LRIF1: variants seen among roughly 807,000 people sequenced by gnomAD.
LRIF1 encodes the protein ligand dependent nuclear receptor interacting factor 1.
Under a neutral mutation model 52.7 loss-of-function variants are expected in LRIF1, and 32 were observed. That is an observed-to-expected ratio of 0.61 (90% CI 0.46 to 0.82). The LOEUF (loss-of-function observed/expected upper bound fraction) is 0.82, where lower values mean the gene tolerates loss of function less well. Ranked by LOEUF, LRIF1 falls within the 40% of genes least tolerant of loss-of-function variation. The pLI is 0.00. For missense variants in LRIF1, 887 were observed against 892.0 expected (o/e 0.99, Z 0.07); for synonymous variants, 323 against 317.4 (o/e 1.02, Z -0.19).
the LRIF1 span, among the ~76,000 whole-genome samples, chr1:110,923,479 A>C: frequency 6.6e-6 from 1 of 152,206 alleles, no homozygotes; most frequent in Non-Finnish European, 1.5e-5. Flanking sequence ...GTCATAAATC[A>C]AGTCTCAAAA....
At chr1:110,891,347 C>T in the LRIF1 span, 5 of 1,296,174 alleles carry the variant, frequency 3.9e-6, no homozygotes, top group Non-Finnish European at 5.6e-6. Context: ...TCTCTGGCTA[C>T]CTTACAGAGT....
chr1:110,916,428 A>G, the LRIF1 span, among the ~76,000 whole-genome samples: 2 of 152,176 alleles, frequency 1.3e-5, no homozygotes, highest in Non-Finnish European at 2.9e-5. Flanking sequence ...TGAACTAATC[A>G]GTAAATGCAG....
chr1:110,908,197 T>C, the LRIF1 span, among the ~76,000 whole-genome samples: 669 of 152,240 alleles, frequency 4.4e-3, 3 homozygotes, highest in Non-Finnish European at 7.8e-3. Context: ...AAGACAAATA[T>C]AGAAAGCTTT....
intron 1 of LRIF1, among the ~76,000 whole-genome samples, chr1:110,954,974 C>T (rs144034632): frequency 3.3e-5 from 5 of 152,330 alleles, no homozygotes; most frequent in South Asian, 2.1e-4. Context: ...CAATGCATAA[C>T]TTCAATTAAA....
the LRIF1 span, chr1:110,880,323 A>G: frequency 6.6e-6 from 1 of 152,208 alleles, no homozygotes. Context: ...AGTAGTGACA[A>G]TCTTCACCAG....
chr1:110,963,710 A>G lies in LRIF1; in HGVS notation c.-22T>C. 5.1e-6 allele frequency: 8 copies of G among 1,581,842 alleles called. No individual in the cohort carries two copies. The highest frequency in any genetic ancestry group is 6.9e-6 in the Non-Finnish European group (8 of 1,155,136). ...ACATTTTAGTGGGGAGAAAGGGGAC[A>G]CCTCATCCAGAAAAGTGGGAAGCGT... On this transcript the variant is annotated 5_prime_UTR_variant, in exon 1 of 4. Coordinates refer to ENST00000369763, the MANE Select transcript of LRIF1 (RefSeq NM_018372.4).
chr1:110,953,688 ATACCT>A (rs749161181), intron 1 of LRIF1, among the ~76,000 whole-genome samples: 1 of 152,172 alleles, frequency 6.6e-6, no homozygotes, highest in African/African-American at 2.4e-5. Context: ...TTGAATGTAA[ATACCT>A]TACCTTATTT....
At chr1:110,915,490 A>AAAAAAAAT in the LRIF1 span, among the ~76,000 whole-genome samples, 16 of 141,940 alleles carry the variant, frequency 1.1e-4, no homozygotes, top group African/African-American at 2.5e-4. Flanking sequence ...TCCGTCTCAA[A>AAAAAAAAT]AAATAAATAA....
chr1:110,927,263 T>C, the LRIF1 span, among the ~76,000 whole-genome samples: 1 of 152,166 alleles, frequency 6.6e-6, no homozygotes, highest in Non-Finnish European at 1.5e-5. Context: ...TGTGAGTCTG[T>C]ATGTGTGTGT....
the LRIF1 span, among the ~76,000 whole-genome samples, chr1:110,926,257 G>T: frequency 1.3e-5 from 2 of 151,926 alleles, no homozygotes. Flanking sequence ...TGAGGCTAGG[G>T]TAATCATGAC....
chr1:110,930,905 A>G, the LRIF1 span, among the ~76,000 whole-genome samples: 3,302 of 152,220 alleles, frequency 0.022, 54 homozygotes, highest in Non-Finnish European at 0.033. Flanking sequence ...GCTGGCCCCA[A>G]GTTTCTTTCT....
chr1:110,953,318 G>A (rs1658560581), intron 1 of LRIF1, among the ~76,000 whole-genome samples: 1 of 152,058 alleles, frequency 6.6e-6, no homozygotes, highest in African/African-American at 2.4e-5. Context: ...TATCTCTCAT[G>A]GTGTTACCTT....
At chr1:110,904,570 C>G in the LRIF1 span, among the ~76,000 whole-genome samples, 2 of 152,306 alleles carry the variant, frequency 1.3e-5, no homozygotes, top group East Asian at 3.9e-4. Context: ...CCATAAGAAC[C>G]ACAGTATTAC....
chr1:110,900,954 T>C, the LRIF1 span, among the ~76,000 whole-genome samples: 1 of 152,060 alleles, frequency 6.6e-6, no homozygotes, highest in Non-Finnish European at 1.5e-5. Flanking sequence ...AATAAGACCA[T>C]ATCTAATAGG....
At chr1:110,915,338 A>G in the LRIF1 span, among the ~76,000 whole-genome samples, 1 of 150,346 alleles carries the variant, frequency 6.7e-6, no homozygotes, top group Non-Finnish European at 1.5e-5. Context: ...AGAAAAAAAC[A>G]TTAGCCGGGC....
At chr1:110,955,843 A>G (rs1241598177) in intron 1 of LRIF1, among the ~76,000 whole-genome samples, 1 of 152,202 alleles carries the variant, frequency 6.6e-6, no homozygotes, top group East Asian at 1.9e-4. Context: ...TAAATACTCA[A>G]GTGAGCCAGT....
the LRIF1 span, among the ~76,000 whole-genome samples, chr1:110,906,320 G>A: frequency 1.3e-5 from 2 of 152,060 alleles, no homozygotes; most frequent in Admixed American, 6.6e-5. Flanking sequence ...TTGAAGCAGA[G>A]GATTGCTTGA....
chr1:110,950,186 C>T, intron 2 of LRIF1, 63 bp from the exon 3 acceptor site: 1 of 1,479,490 alleles, frequency 6.8e-7, no homozygotes. Flanking sequence ...CTTTATTAAG[C>T]AACTAAGTGA....
At chr1:110,910,138 G>A in the LRIF1 span, among the ~76,000 whole-genome samples, 1 of 151,838 alleles carries the variant, frequency 6.6e-6, no homozygotes, top group African/African-American at 2.4e-5. Flanking sequence ...AGAAAACTAA[G>A]AGAGATATCT....
Sources: gnomAD v4.1 joint callset for allele counts (sites outside exome capture counted in the v4.1 genomes callset) on GRCh38, gnomAD v4.1.1 for gene constraint, MANE v1.5 for transcripts, NCBI Gene and HGNC (gene_info 2026-07-23, HGNC 2026-07-21) for gene names.